Variants in KAZN observed in about 807,000 individuals in gnomAD.
KAZN encodes kazrin, periplakin interacting protein.
Under a neutral mutation model 87.4 loss-of-function variants are expected in KAZN, and 40 were observed. The ratio of observed to expected loss-of-function variants is 0.46; its 90% CI spans 0.36 to 0.60. KAZN has a LOEUF of 0.60. KAZN is among the 20% of genes least tolerant of loss of function. The pLI is 0.00. For missense variants in KAZN, 898 were observed against 1,073.9 expected, an observed-to-expected ratio of 0.84 and a Z score of 2.29; for synonymous variants, 466 against 458.3, an observed-to-expected ratio of 1.02 and a Z score of -0.22.
rs145785231 is a variant in KAZN at position 14,834,969 on chromosome 1, G to A, written c.227-125715G>A. On this transcript the variant is annotated intron_variant, in intron 1 of 14. Coordinates refer to ENST00000376030, the MANE Select transcript of KAZN (RefSeq NM_201628.3). ...GAAGACTTCTTTAGCTAGACCACCCGCTAAAAAAAGAGTAGGTTCCCTAAT... is the reference window on the plus strand; with the variant it reads ...GAAGACTTCTTTAGCTAGACCACCCACTAAAAAAAGAGTAGGTTCCCTAAT... Among the ~76,000 whole-genome samples the A allele has an allele frequency of 5.7e-3, 872 of 152,156 alleles. 13 individuals carry two copies. Among genetic ancestry groups the A allele is most frequent in the African/African-American group, 0.02 (826 of 41,524 alleles).
intron 2 of KAZN, among the ~76,000 whole-genome samples, chr1:14,251,807 C>A (rs1311179661): frequency 6.6e-6 from 1 of 151,804 alleles, no homozygotes; most frequent in Non-Finnish European, 1.5e-5. Context: ...TGCAACCAAG[C>A]CCAGCTAATT....
chr1:14,688,919 C>G (rs1032482801), intron 1 of KAZN, among the ~76,000 whole-genome samples: 1 of 152,130 alleles, frequency 6.6e-6, no homozygotes, highest in African/African-American at 2.4e-5. Flanking sequence ...TAAGGCTGGG[C>G]GCGGTGGCTC....
chr1:15,031,251 T>C (rs1252907242), intron 2 of KAZN, among the ~76,000 whole-genome samples: 1 of 152,232 alleles, frequency 6.6e-6, no homozygotes, highest in Non-Finnish European at 1.5e-5. Context: ...AAATGACCAC[T>C]CTGGCCTTGT....
chr1:14,195,731 C>T (rs1646513562), intron 2 of KAZN, among the ~76,000 whole-genome samples: 1 of 152,046 alleles, frequency 6.6e-6, no homozygotes, highest in African/African-American at 2.4e-5. Flanking sequence ...AGAACACAGG[C>T]CCTTCATTCA....
At position 14,693,053 on chromosome 1, in the gene KAZN, T is replaced by G. The variant is rs560411457; in HGVS notation, c.226+93830T>G. ...AAGGGAATGGAAATATGTCCCTGCT[T>G]CGACCCTAAGCAACTACCCTTGACT... On this transcript the variant is annotated intron_variant, in intron 1 of 14. Coordinates refer to ENST00000376030, the MANE Select transcript of KAZN (RefSeq NM_201628.3). 6.6e-5 allele frequency among the ~76,000 whole-genome samples: 10 copies of G among 152,322 alleles called. No individual in the cohort carries two copies. In the East Asian group the frequency reaches 1.9e-3, roughly 29 times the overall value.
intron 1 of KAZN, among the ~76,000 whole-genome samples, chr1:14,709,734 C>T (rs1281101191): frequency 6.6e-6 from 1 of 152,138 alleles, no homozygotes; most frequent in Non-Finnish European, 1.5e-5. Flanking sequence ...TCATGTTGTT[C>T]CTGTCCTCCC....
At chr1:14,464,299 G>T (rs2148354721) in intron 2 of KAZN, among the ~76,000 whole-genome samples, 1 of 152,262 alleles carries the variant, frequency 6.6e-6, no homozygotes, top group South Asian at 2.1e-4. Flanking sequence ...TTATTAATTA[G>T]TCCTCAACAG....
rs1204117302 is a variant in KAZN, at chr1:14,738,111, G to A, written c.226+138888G>A. On this transcript the variant is annotated intron_variant, in intron 1 of 14. Coordinates refer to ENST00000376030, the MANE Select transcript of KAZN (RefSeq NM_201628.3). Reference sequence around the variant, plus strand: ...TGGTTTCTGGTACTCGAGTGGCAGGGGCTACCCTTTCTCCCTTGGGCCCCA... The same window carrying A: ...TGGTTTCTGGTACTCGAGTGGCAGGAGCTACCCTTTCTCCCTTGGGCCCCA... 2.6e-5 allele frequency among the ~76,000 whole-genome samples: 4 copies of A among 152,070 alleles called. No homozygotes were observed. In the East Asian group the frequency reaches 7.7e-4, roughly 29 times the overall value.
chr1:14,829,306 T>A (rs941595569), intron 1 of KAZN, among the ~76,000 whole-genome samples: 1 of 152,164 alleles, frequency 6.6e-6, no homozygotes, highest in Non-Finnish European at 1.5e-5. Context: ...TATGAGAAAT[T>A]GTGCTAGGAT....
chr1:14,186,752 G>A (rs999591765), intron 2 of KAZN, among the ~76,000 whole-genome samples: 8 of 152,138 alleles, frequency 5.3e-5, no homozygotes, highest in Non-Finnish European at 1.0e-4. Flanking sequence ...TGCAGATGGA[G>A]GCAATAATTA....
At chr1:14,711,341 CAAA>C (rs544767393) in intron 1 of KAZN, among the ~76,000 whole-genome samples, 2 of 114,766 alleles carry the variant, frequency 1.7e-5, no homozygotes, top group Non-Finnish European at 1.9e-5. Flanking sequence ...ACTCTGTTTC[CAAA>C]AAAAAAAAAA....
At chr1:14,553,279 T>C (rs778197801) in intron 2 of KAZN, among the ~76,000 whole-genome samples, 2 of 152,120 alleles carry the variant, frequency 1.3e-5, no homozygotes, top group African/African-American at 2.4e-5. Context: ...CTGGAGACGC[T>C]TGAACTGGGA....
chr1:13,934,854 A>G (rs1640659843), intron 1 of KAZN, among the ~76,000 whole-genome samples: 2 of 152,190 alleles, frequency 1.3e-5, no homozygotes, highest in Admixed American at 6.5e-5. Flanking sequence ...GGTCTTACTC[A>G]TCAATCTAAT....
intron 2 of KAZN, among the ~76,000 whole-genome samples, chr1:15,026,161 A>G (rs767251640): frequency 1.3e-5 from 2 of 151,906 alleles, no homozygotes; most frequent in Non-Finnish European, 2.9e-5. Flanking sequence ...AAACCTGCCT[A>G]TTGCTCAAGT....
chr1:14,854,818 G>A (rs910665559), intron 1 of KAZN, among the ~76,000 whole-genome samples: 1 of 152,148 alleles, frequency 6.6e-6, no homozygotes, highest in Admixed American at 6.5e-5. Context: ...AGTTCCTAAA[G>A]GGAAGGGAAG....
At chr1:14,335,521 C>T (rs1657192814) in intron 2 of KAZN, among the ~76,000 whole-genome samples, 1 of 151,980 alleles carries the variant, frequency 6.6e-6, no homozygotes, top group Admixed American at 6.6e-5. Flanking sequence ...CTCTTAACCT[C>T]TCTTTTGACC....
At chr1:14,271,596 C>T (rs2100684390) in intron 2 of KAZN, among the ~76,000 whole-genome samples, 1 of 152,240 alleles carries the variant, frequency 6.6e-6, no homozygotes, top group Admixed American at 6.5e-5. Context: ...CTGTCTATTT[C>T]CTCTCTCTCT....
chr1:14,181,253 A>G (rs1646191890), intron 2 of KAZN, among the ~76,000 whole-genome samples: 1 of 152,198 alleles, frequency 6.6e-6, no homozygotes, highest in Non-Finnish European at 1.5e-5. Context: ...AGCTAGATCT[A>G]ATTGTCATTC....
intron 2 of KAZN, among the ~76,000 whole-genome samples, chr1:14,295,021 CCTT>C (rs1337582176): frequency 3.3e-5 from 5 of 151,836 alleles, no homozygotes. Flanking sequence ...GGCTCAATCA[CCTT>C]CTTGCTGTGT....
Sources: allele counts gnomAD v4.1 joint callset (sites outside exome capture counted in the v4.1 genomes callset), GRCh38; gene constraint gnomAD v4.1.1; transcripts MANE v1.5; gene names NCBI Gene and HGNC (gene_info 2026-07-23, HGNC 2026-07-21).